The following MYLK4 variants were observed in gnomAD, a reference collection of about 807,000 sequenced individuals.
The protein encoded by MYLK4 is myosin light chain kinase family member 4.
In MYLK4, 46 loss-of-function variants were observed where a neutral mutation model predicts 48.1. That is an observed-to-expected ratio of 0.96 (90% CI 0.75 to 1.22). The LOEUF is 1.22. MYLK4 is among the 50% of genes most tolerant of loss of function. The pLI, the probability that MYLK4 is intolerant of heterozygous loss-of-function variation, is 0.00. For missense variants in MYLK4, 451 were observed against 486.1 expected (o/e 0.93, Z 0.68); for synonymous variants, 170 against 180.8 (o/e 0.94, Z 0.48).
the MYLK4 span, chr6:2,766,512 A>T: frequency 3.5e-6 from 5 of 1,434,330 alleles, no homozygotes; most frequent in Non-Finnish European, 4.6e-6. Flanking sequence ...ATGGTCGGAG[A>T]GCCGGGTGTG....
chr6:2,765,609 G>T, the MYLK4 span: 1 of 1,506,542 alleles, frequency 6.6e-7, no homozygotes, highest in Non-Finnish European at 8.8e-7. Flanking sequence ...GCGCCGGGGA[G>T]GGCGGCGGCC....
intron 2 of MYLK4, among the ~76,000 whole-genome samples, chr6:2,694,491 ATGG>A (rs1215791355): frequency 1.7e-3 from 4 of 2,388 alleles, no homozygotes; most frequent in South Asian, 0.016. Flanking sequence ...GGTAGTGGTC[ATGG>A]TGGTGGTGGT....
chr6:2,693,205 T>C (rs1761883167), intron 2 of MYLK4, among the ~76,000 whole-genome samples: 1 of 152,212 alleles, frequency 6.6e-6, no homozygotes, highest in Admixed American at 6.5e-5. Flanking sequence ...CTGTATAGAC[T>C]ACAGTATCTG....
chr6:2,694,183 T>G (rs1004515257), intron 2 of MYLK4, among the ~76,000 whole-genome samples: 4 of 152,072 alleles, frequency 2.6e-5, no homozygotes, highest in African/African-American at 4.8e-5. Flanking sequence ...AGGCTGGAAG[T>G]GAGAGCTTCA....
chr6:2,675,767 A>T (rs1761056170), intron 10 of MYLK4, among the ~76,000 whole-genome samples: 1 of 152,226 alleles, frequency 6.6e-6, no homozygotes, highest in Non-Finnish European at 1.5e-5. Flanking sequence ...ATGTGCTAAC[A>T]TTTATCACAT....
At chr6:2,757,323 TA>T in the MYLK4 span, among the ~76,000 whole-genome samples, 2 of 152,274 alleles carry the variant, frequency 1.3e-5, no homozygotes, top group Non-Finnish European at 1.5e-5. Context: ...AAGCACCAGT[TA>T]GTGTATGGAA....
chr6:2,733,777 G>A (rs1007344522), intron 2 of MYLK4, among the ~76,000 whole-genome samples: 5 of 152,154 alleles, frequency 3.3e-5, no homozygotes, highest in African/African-American at 7.2e-5. Context: ...TCAACAGCAC[G>A]AACCACACTT....
chr6:2,738,595 T>G (rs1260029261), intron 2 of MYLK4, among the ~76,000 whole-genome samples: 2 of 152,212 alleles, frequency 1.3e-5, no homozygotes, highest in African/African-American at 4.8e-5. Context: ...CACTGTCACC[T>G]TGCAGTTGCA....
chr6:2,688,700 A>G (rs1044823749), intron 4 of MYLK4, 151 bp downstream of exon 4: 4 of 668,536 alleles, frequency 6.0e-6, no homozygotes, highest in African/African-American at 1.8e-5. Context: ...CCTTTCTGGC[A>G]TCAGTGACAA....
chr6:2,765,182 A>ACCCCCCCCCCCCCCCC, the MYLK4 span, among the ~76,000 whole-genome samples: 10 of 72,938 alleles, frequency 1.4e-4, no homozygotes, highest in African/African-American at 2.6e-4. Flanking sequence ...TCGCCTCGCA[A>ACCCCCCCCCCCCCCCC]CCCCCCCCCC....
intron 2 of MYLK4, among the ~76,000 whole-genome samples, chr6:2,746,242 G>A (rs1355705515): frequency 6.7e-6 from 1 of 150,248 alleles, no homozygotes; most frequent in Admixed American, 6.6e-5. Context: ...ACTCCAGCCT[G>A]GGTGACAGAG....
At chr6:2,691,116 CA>C (rs1761780262) in intron 3 of MYLK4, among the ~76,000 whole-genome samples, 1 of 152,172 alleles carries the variant, frequency 6.6e-6, no homozygotes, top group Non-Finnish European at 1.5e-5. Flanking sequence ...AGGCGTGAGC[CA>C]CCGCACCCAG....
chr6:2,673,662 G>C lies in MYLK4; in HGVS notation c.1119+1385C>G, dbSNP rs111597301. Among the ~76,000 whole-genome samples the C allele has an allele frequency of 1.7e-3, 256 of 152,332 alleles. No homozygotes were observed. The highest frequency in any genetic ancestry group is 3.0e-3 in the Non-Finnish European group (202 of 68,038). On this transcript the variant is annotated intron_variant, in intron 11 of 12. Transcript: ENST00000274643. This position sits in a 1 kb window ranked among gnomAD's most constrained non-coding sequence, Gnocchi z 4.2. The stretch of plus-strand genomic sequence containing the variant: ...TCTTGCCTGTATATGCATCTTGCCA[G>C]TTGAACATCCTAGATGTTCAGTAAA...
intron 2 of MYLK4, among the ~76,000 whole-genome samples, chr6:2,716,466 G>A (rs1762869657): frequency 6.6e-6 from 1 of 152,210 alleles, no homozygotes; most frequent in African/African-American, 2.4e-5. Context: ...TGTTTGTTAT[G>A]CAGATAGAAA....
chr6:2,692,916 T>C (rs1236719819), intron 2 of MYLK4, 57 bp from the exon 3 acceptor site: 1 of 1,483,820 alleles, frequency 6.7e-7, no homozygotes, highest in Non-Finnish European at 9.3e-7. Context: ...CTTTTCAACC[T>C]CAGCACTCCT....
In MYLK4 at chr6:2,685,130, A is replaced by G. The variant is rs184796400; in HGVS notation, c.545+166T>C. On this transcript the variant is annotated intron_variant, in intron 6 of 12. Coordinates refer to ENST00000274643, the MANE Select transcript of MYLK4 (RefSeq NM_001012418.5). The surrounding 1 kb of genome is among the most constrained non-coding windows in gnomAD (Gnocchi z 4.5). ...TCCCATATGGAGATTTGTAACCCCA[A>G]GTGTTTCCCTTCTAGAACTGATGTG... Among the ~76,000 whole-genome samples the G allele has an allele frequency of 1.0e-3, 154 of 152,244 alleles. 1 individual carries two copies. Among genetic ancestry groups the G allele is most frequent in the African/African-American group, 3.4e-3 (140 of 41,542 alleles).
At chr6:2,681,277 A>G (rs7761747) in intron 7 of MYLK4, among the ~76,000 whole-genome samples, 37,813 of 152,018 alleles carry the variant, frequency 0.25, 4,910 homozygotes, top group East Asian at 0.42. Context: ...TCAGAAATTC[A>G]GAAACACATT....
At chr6:2,764,282 G>A in the MYLK4 span, among the ~76,000 whole-genome samples, 3 of 152,164 alleles carry the variant, frequency 2.0e-5, no homozygotes, top group African/African-American at 7.2e-5. Flanking sequence ...GCCAGGCGTG[G>A]TGGCTCAGCC....
At chr6:2,738,525 A>T (rs1038447313) in intron 2 of MYLK4, among the ~76,000 whole-genome samples, 3 of 152,248 alleles carry the variant, frequency 2.0e-5, no homozygotes, top group Non-Finnish European at 4.4e-5. Context: ...GATTAGCTTA[A>T]AATGCTGGGA....
Sources: gnomAD v4.1 joint callset for allele counts (sites outside exome capture counted in the v4.1 genomes callset) on GRCh38, gnomAD v4.1.1 for gene constraint, Gnocchi (gnomAD v3.1) non-coding constraint, MANE v1.5 for transcripts, NCBI Gene and HGNC (gene_info 2026-07-23, HGNC 2026-07-21) for gene names.